TSPAN9: variants seen among roughly 807,000 people sequenced by gnomAD.
The protein encoded by TSPAN9 is tetraspanin-9.
Under a neutral mutation model 31.0 loss-of-function variants are expected in TSPAN9, and 16 were observed. The observed-to-expected ratio is 0.52, with a 90% CI of 0.35 to 0.78. The LOEUF (loss-of-function observed/expected upper bound fraction) is 0.78. Among genes scored for constraint, TSPAN9 ranks in the 30% least tolerant of loss-of-function variants. The pLI, the probability that TSPAN9 is intolerant of heterozygous loss-of-function variation, is 0.01. For missense variants in TSPAN9, 272 were observed against 312.5 expected (o/e 0.87, Z 0.98); for synonymous variants, 145 against 121.6 (o/e 1.19, Z -1.27).
At chr12:3,144,518 G>C (rs1017377263) in intron 2 of TSPAN9, among the ~76,000 whole-genome samples, 2 of 152,230 alleles carry the variant, frequency 1.3e-5, no homozygotes, top group Non-Finnish European at 2.9e-5. Context: ...AAGCTAGAAA[G>C]AGGCCAGGAA....
chr12:3,276,647 ATTGCCT>A (rs1260611515), intron 3 of TSPAN9, among the ~76,000 whole-genome samples: 1 of 151,780 alleles, frequency 6.6e-6, no homozygotes, highest in African/African-American at 2.4e-5. Context: ...GGCTCTTTAC[ATTGCCT>A]TATTTTTCTT....
chr12:3,090,795 G>A (rs78219540), intron 2 of TSPAN9, among the ~76,000 whole-genome samples: 1 of 69,362 alleles, frequency 1.4e-5, no homozygotes, highest in Non-Finnish European at 2.6e-5. Context: ...GGAATAGACC[G>A]CAGAGATAAT....
intron 3 of TSPAN9, among the ~76,000 whole-genome samples, chr12:3,207,759 G>A (rs1051904813): frequency 6.6e-6 from 1 of 151,992 alleles, no homozygotes; most frequent in African/African-American, 2.4e-5. Flanking sequence ...CACGCAGAGA[G>A]GCCCTGTTTT....
Position 3,148,939 on chromosome 12 carries a change from C to T in TSPAN9, c.-17-52238C>T, listed in dbSNP as rs970414078. 9.2e-5 allele frequency among the ~76,000 whole-genome samples: 14 copies of T among 152,116 alleles called. 1 individual carries two copies. The highest frequency in any genetic ancestry group is 3.4e-4 in the African/African-American group (14 of 41,412). On this transcript the variant is annotated intron_variant, in intron 2 of 8. Transcript: ENST00000011898. ...GTGCCTGGCCGAGGTAACTTTGGCT[C>T]CTGCCTCTAAGGAGGTCTCCAGTTG...
rs755646207 is a variant in TSPAN9, at chr12:3,281,718, G to A, written c.565-16G>A. The A allele has an allele frequency of 3.1e-6, 5 of 1,607,696 alleles. No individual in the cohort carries two copies. The highest frequency in any genetic ancestry group is 4.3e-6 in the Non-Finnish European group (5 of 1,174,824). On this transcript the variant is annotated splice_polypyrimidine_tract_variant and intron_variant, in intron 7 of 8. Coordinates refer to ENST00000011898, the MANE Select transcript of TSPAN9 (RefSeq NM_006675.5). ...GCTTGGGCTGGGACCCTAACCTCGT[G>A]GGCCTCGCTCCCCAGGGCTGCTATG...
intron 2 of TSPAN9, among the ~76,000 whole-genome samples, chr12:3,196,548 TTGAG>T (rs1360070199): frequency 3.3e-5 from 5 of 152,110 alleles, no homozygotes; most frequent in African/African-American, 1.2e-4. Flanking sequence ...GTTATGAAGA[TTGAG>T]TGAGTTACTT....
chr12:3,263,831 G>T (rs1862495397), intron 3 of TSPAN9, among the ~76,000 whole-genome samples: 1 of 152,196 alleles, frequency 6.6e-6, no homozygotes, highest in African/African-American at 2.4e-5. Flanking sequence ...GGAAGAGGTG[G>T]GGCTTCAGCT....
chr12:3,283,432 T>G lies in TSPAN9; in HGVS notation c.*316T>G. On this transcript the variant is annotated 3_prime_UTR_variant, in exon 9 of 9. Coordinates refer to ENST00000011898, the MANE Select transcript of TSPAN9 (RefSeq NM_006675.5). ...CACTGATGGGCTTCTGCCCCTGCCC[T>G]TCCTCACACTGACACTTTGTCCCCA... 8.2e-6 allele frequency: 2 copies of G among 244,206 alleles called. No individual in the cohort carries two copies. The highest frequency in any genetic ancestry group is 1.6e-5 in the Non-Finnish European group (2 of 127,510). 15.1% of individuals were successfully genotyped at this position (244,206 alleles called of 1,614,324 possible). A position where few individuals can be genotyped will look rare whatever the true frequency, so the allele number is the denominator to read the frequency against.
intron 2 of TSPAN9, among the ~76,000 whole-genome samples, chr12:3,159,092 T>A (rs1332217404): frequency 6.6e-6 from 1 of 152,024 alleles, no homozygotes; most frequent in Non-Finnish European, 1.5e-5. Flanking sequence ...TTATTGTACA[T>A]GATCTAAGTT....
rs1306093227 is a variant in TSPAN9, at chr12:3,213,135, C to T, written c.63+11879C>T. On this transcript the variant is annotated intron_variant, in intron 3 of 8. Transcript: ENST00000011898. ...CCCTTTTAGCAATGGCACTTTGGATCATGCGGGGAAGGGCATTAAAGAACG... is the reference window on the plus strand; with the variant it reads ...CCCTTTTAGCAATGGCACTTTGGATTATGCGGGGAAGGGCATTAAAGAACG... Among the ~76,000 whole-genome samples, 5 of 152,310 alleles carry T rather than the reference C, an allele frequency of 3.3e-5. No homozygotes were observed. In the East Asian group the frequency reaches 9.7e-4, roughly 29 times the overall value.
At chr12:3,240,548 C>T (rs2098396069) in intron 3 of TSPAN9, among the ~76,000 whole-genome samples, 1 of 152,146 alleles carries the variant, frequency 6.6e-6, no homozygotes, top group African/African-American at 2.4e-5. Flanking sequence ...AGTGAGGAGG[C>T]CAGGATCTGA....
At chr12:3,174,422 A>G (rs943469429) in intron 2 of TSPAN9, among the ~76,000 whole-genome samples, 1 of 152,182 alleles carries the variant, frequency 6.6e-6, no homozygotes, top group Non-Finnish European at 1.5e-5. Flanking sequence ...TTTCCTTCCA[A>G]TTCTAACATT....
rs917246826 is a variant in TSPAN9 at position 3,192,721 on chromosome 12, C to G, written c.-17-8456C>G. On this transcript the variant is annotated intron_variant, in intron 2 of 8. Transcript: ENST00000011898. The surrounding 1 kb of genome is among the most constrained non-coding windows in gnomAD (Gnocchi z 4.6). ...GGGGGTCAACAGCATGCAGATGGCC[C>G]TGGAACGGAGGAGATGGTCATATAG... Among the ~76,000 whole-genome samples the G allele has an allele frequency of 2.6e-5, 4 of 152,148 alleles. No individual in the cohort carries two copies. Among genetic ancestry groups the G allele is most frequent in the East Asian group, 3.9e-4 (2 of 5,164 alleles).
chr12:3,161,772 A>AATCTATCTATCT (rs79768137), intron 2 of TSPAN9, among the ~76,000 whole-genome samples: 91 of 150,350 alleles, frequency 6.1e-4, no homozygotes, highest in Middle Eastern at 3.4e-3. Flanking sequence ...CTTGGGTTGA[A>AATCTATCTATCT]ATCTATCTAT....
intron 3 of TSPAN9, among the ~76,000 whole-genome samples, chr12:3,216,439 G>A (rs1318488423): frequency 6.6e-6 from 1 of 151,968 alleles, no homozygotes; most frequent in Non-Finnish European, 1.5e-5. Context: ...TTCTGGAGGC[G>A]GGGCTTGGGA....
intron 7 of TSPAN9, 30 bp downstream of exon 7, chr12:3,281,359 A>G: frequency 6.5e-7 from 1 of 1,536,376 alleles, no homozygotes; most frequent in Non-Finnish European, 8.8e-7. Flanking sequence ...GCTTGGGTCC[A>G]AGAGCCCGTG....
chr12:3,101,992 A>G (rs2098312047), intron 2 of TSPAN9, among the ~76,000 whole-genome samples: 1 of 152,138 alleles, frequency 6.6e-6, no homozygotes, highest in South Asian at 2.1e-4. Context: ...TCGGACTGGA[A>G]GCTCCTGAGG....
chr12:3,105,736 G>GCA (rs947236535), intron 2 of TSPAN9, among the ~76,000 whole-genome samples: 11 of 148,520 alleles, frequency 7.4e-5, no homozygotes, highest in African/African-American at 2.7e-4. Context: ...GCACGCGCGT[G>GCA]CACACACACA....
chr12:3,175,103 C>A (rs1236745806), intron 2 of TSPAN9, among the ~76,000 whole-genome samples: 2 of 150,540 alleles, frequency 1.3e-5, no homozygotes, highest in East Asian at 3.9e-4. Flanking sequence ...TGCACACGAC[C>A]CCTGCAGGGC....
Sources: gnomAD v4.1 joint callset for allele counts (sites outside exome capture counted in the v4.1 genomes callset) on GRCh38, gnomAD v4.1.1 for gene constraint, Gnocchi (gnomAD v3.1) non-coding constraint, MANE v1.5 for transcripts, NCBI Gene and HGNC (gene_info 2026-07-23, HGNC 2026-07-21) for gene names.